The following SUPT3H variants were observed in gnomAD, a reference collection of about 807,000 sequenced individuals.
SUPT3H encodes SPT3 homolog, SAGA and STAGA complex component.
Under a neutral mutation model 44.3 loss-of-function variants are expected in SUPT3H, and 44 were observed. The ratio of observed to expected loss-of-function variants is 0.99; its 90% CI spans 0.78 to 1.28. The LOEUF is 1.28. Ranked by LOEUF, SUPT3H falls within the 50% of genes most tolerant of loss-of-function variation. The probability of loss-of-function intolerance (pLI) is 0.00; values close to 1 mark genes in which losing one functional copy is unlikely to be tolerated. For synonymous variants in SUPT3H, 124 were observed against 125.6 expected (o/e 0.99, Z 0.09); for missense variants, 380 against 387.1 (o/e 0.98, Z 0.15).
At chr6:45,058,334 T>A (rs781251817) in intron 3 of SUPT3H, among the ~76,000 whole-genome samples, 1 of 152,126 alleles carries the variant, frequency 6.6e-6, no homozygotes, top group Non-Finnish European at 1.5e-5. Flanking sequence ...AGTTTCCTCA[T>A]CTGGAAAACA....
intron 3 of SUPT3H, among the ~76,000 whole-genome samples, chr6:45,063,488 G>T (rs376707397): frequency 0.13 from 18,197 of 141,244 alleles, 1,350 homozygotes; most frequent in East Asian, 0.24. Flanking sequence ...AGAGAAGAAG[G>T]CTTCAGACGA....
intron 10 of SUPT3H, among the ~76,000 whole-genome samples, chr6:44,845,116 T>C (rs1336660415): frequency 4.6e-5 from 7 of 152,220 alleles, no homozygotes; most frequent in Non-Finnish European, 7.3e-5. Flanking sequence ...AAAAATTATA[T>C]GACTAGAGTT....
intron 4 of SUPT3H, among the ~76,000 whole-genome samples, chr6:45,019,481 C>T (rs112160501): frequency 6.6e-6 from 1 of 151,946 alleles, no homozygotes; most frequent in Non-Finnish European, 1.5e-5. Flanking sequence ...CTCTTGTGGG[C>T]ATTTAGATTT....
At chr6:44,860,899 T>C (rs1468579246) in intron 10 of SUPT3H, among the ~76,000 whole-genome samples, 1 of 152,218 alleles carries the variant, frequency 6.6e-6, no homozygotes, top group Non-Finnish European at 1.5e-5. Context: ...TAATCTCACC[T>C]ATTGCACCTG....
chr6:45,259,465 C>T (rs1389151257), intron 2 of SUPT3H, among the ~76,000 whole-genome samples: 1 of 152,030 alleles, frequency 6.6e-6, no homozygotes, highest in Admixed American at 6.6e-5. Flanking sequence ...AAAAACATGA[C>T]CAAATTTTTC....
At chr6:45,177,578 G>C (rs1201936150) in intron 2 of SUPT3H, among the ~76,000 whole-genome samples, 1 of 151,962 alleles carries the variant, frequency 6.6e-6, no homozygotes, top group Non-Finnish European at 1.5e-5. Context: ...ACACCACAAA[G>C]ATACTCCTCG....
At chr6:44,888,857 C>T (rs1007075277) in intron 10 of SUPT3H, among the ~76,000 whole-genome samples, 1 of 148,590 alleles carries the variant, frequency 6.7e-6, no homozygotes, top group Non-Finnish European at 1.5e-5. Context: ...GATTGTATAT[C>T]TAGAAAACCC....
chr6:45,377,256 A>G (rs960959849), intron 1 of SUPT3H: 4 of 152,160 alleles, frequency 2.6e-5, no homozygotes, highest in Admixed American at 2.6e-4. Flanking sequence ...TACAGACCAA[A>G]ACAAGGCAAA....
At position 44,952,847 on chromosome 6, in the gene SUPT3H, A is replaced by G. The variant is rs535798154; in HGVS notation, c.801+463T>C. Among the ~76,000 whole-genome samples, 85 of 152,354 alleles carry G rather than the reference A, an allele frequency of 5.6e-4. No homozygotes were observed. The Middle Eastern group carries it at 0.01, about 18-fold the overall frequency. On this transcript the variant is annotated intron_variant, in intron 9 of 10. Coordinates refer to ENST00000371459, the MANE Select transcript of SUPT3H (RefSeq NM_003599.4). ...ATAGTAGGGGCAATCTAAAAACTCAAGATGAATGAAGACAAGCTTCTTTAA... is the reference window on the plus strand; with the variant it reads ...ATAGTAGGGGCAATCTAAAAACTCAGGATGAATGAAGACAAGCTTCTTTAA...
chr6:44,884,798 G>A (rs972449180), intron 10 of SUPT3H, among the ~76,000 whole-genome samples: 3 of 152,176 alleles, frequency 2.0e-5, no homozygotes, highest in South Asian at 2.1e-4. Context: ...TGGGCGAGCC[G>A]AAGCAGGGCG....
At chr6:45,200,290 T>C (rs371481306) in intron 2 of SUPT3H, among the ~76,000 whole-genome samples, 2 of 151,554 alleles carry the variant, frequency 1.3e-5, no homozygotes, top group East Asian at 3.9e-4. Flanking sequence ...ATACAAAATA[T>C]TGTTTGTATA....
chr6:45,185,706 C>A (rs1435407799), intron 2 of SUPT3H, among the ~76,000 whole-genome samples: 1 of 152,242 alleles, frequency 6.6e-6, no homozygotes, highest in Non-Finnish European at 1.5e-5. Flanking sequence ...TTCAGACACA[C>A]CTAGGGGCTA....
chr6:45,234,552 A>AG (rs1768733899), intron 2 of SUPT3H, among the ~76,000 whole-genome samples: 1 of 151,358 alleles, frequency 6.6e-6, no homozygotes, highest in Non-Finnish European at 1.5e-5. Context: ...AAAAAAGAAA[A>AG]GAAAAAAAAG....
intron 10 of SUPT3H, among the ~76,000 whole-genome samples, chr6:44,896,933 G>A (rs1411799233): frequency 2.6e-5 from 4 of 152,162 alleles, no homozygotes; most frequent in Admixed American, 2.6e-4. Flanking sequence ...TCTCTTTAGG[G>A]CACTGTGCCA....
At chr6:45,074,939 A>G (rs1430905701) in intron 3 of SUPT3H, among the ~76,000 whole-genome samples, 1 of 152,074 alleles carries the variant, frequency 6.6e-6, no homozygotes, top group Non-Finnish European at 1.5e-5. Context: ...AGTTTCTGCT[A>G]TGTGCTTCGT....
intron 2 of SUPT3H, among the ~76,000 whole-genome samples, chr6:45,288,426 A>G (rs1779665399): frequency 6.6e-6 from 1 of 151,772 alleles, no homozygotes; most frequent in African/African-American, 2.4e-5. Flanking sequence ...TAACTATGCA[A>G]TGCTGATTTA....
intron 1 of SUPT3H, among the ~76,000 whole-genome samples, chr6:45,366,132 A>G (rs1451423452): frequency 6.6e-6 from 1 of 152,196 alleles, no homozygotes; most frequent in African/African-American, 2.4e-5. Context: ...TTATTATTTC[A>G]TATGCTTGCA....
At chr6:45,138,215 G>A (rs1292634387) in intron 2 of SUPT3H, among the ~76,000 whole-genome samples, 1 of 152,132 alleles carries the variant, frequency 6.6e-6, no homozygotes, top group Non-Finnish European at 1.5e-5. Context: ...TGCTAGGGAG[G>A]ATGTGGAAAA....
intron 3 of SUPT3H, among the ~76,000 whole-genome samples, chr6:45,039,598 G>A (rs1788201121): frequency 6.6e-6 from 1 of 151,936 alleles, no homozygotes; most frequent in Non-Finnish European, 1.5e-5. Flanking sequence ...AGGCCAACAC[G>A]GTGAAACCCT....
Sources: gnomAD v4.1 joint callset for allele counts (sites outside exome capture counted in the v4.1 genomes callset) on GRCh38, gnomAD v4.1.1 for gene constraint, MANE v1.5 for transcripts, NCBI Gene and HGNC (gene_info 2026-07-23, HGNC 2026-07-21) for gene names.